Variants in DOP1B observed in about 807,000 individuals in gnomAD.
DOP1B encodes the protein DOP1 leucine zipper like protein B.
In DOP1B, 174 loss-of-function variants were observed where a neutral mutation model predicts 233.5. That is an observed-to-expected ratio of 0.75 (90% CI 0.66 to 0.85). DOP1B has a LOEUF of 0.85. DOP1B is among the 40% of genes least tolerant of loss of function. The pLI, the probability that DOP1B is intolerant of heterozygous loss-of-function variation, is 0.00. For missense variants in DOP1B, 2,652 were observed against 2,846.6 expected (o/e 0.93, Z 1.56); for synonymous variants, 1,190 against 1,185.6 (o/e 1.00, Z -0.08).
At chr21:36,291,971 T>C in intron 35 of DOP1B, 133 bp from the exon 36 acceptor site, 1 of 1,073,814 alleles carries the variant, frequency 9.3e-7, no homozygotes, top group Non-Finnish European at 1.3e-6. Flanking sequence ...TGCAACTCTA[T>C]GAATATAATA....
In DOP1B at chr21:36,245,886, C is replaced by T; in HGVS notation, c.3906C>T (p.Val1302=). The T allele has an allele frequency of 6.2e-7, 1 of 1,613,778 alleles. No homozygotes were observed. Among genetic ancestry groups the T allele is most frequent in the Non-Finnish European group, 8.5e-7 (1 of 1,180,012 alleles). ...TCTACGGAAAGCTCCAGACCCAGGT[C>T]CCCAACGTGTGCCCCCACTCTCTGC... ...QSFYGKLQTQ[V]PNVCPHSLLL... The change falls in exon 19 of 37, where the codon GTC becomes GTT. Residue 1302 remains valine (V), a synonymous_variant. Coordinates refer to ENST00000691173, the MANE Select transcript of DOP1B (RefSeq NM_001320714.2). The surrounding 1 kb of genome is among the most constrained non-coding windows in gnomAD (Gnocchi z 5.5).
chr21:36,285,878 G>A (rs1368625277), intron 32 of DOP1B, among the ~76,000 whole-genome samples: 1 of 151,968 alleles, frequency 6.6e-6, no homozygotes, highest in Non-Finnish European at 1.5e-5. Flanking sequence ...CATGGTTTCA[G>A]GCGCCTATAA....
Position 36,227,852 on chromosome 21 carries a change from A to C in DOP1B, c.1640A>C (p.Asp547Ala), listed in dbSNP as rs915713281. The change falls in exon 13 of 37, where the codon GAC becomes GCC. Residue 547 changes from aspartate to alanine, a missense_variant. Around this residue, in one of 3 missense-constraint regions of DOP1B, gnomAD observed 2,617 missense variants for 2,794.3 expected, o/e 0.94. Transcript: ENST00000691173. The part of the protein sequence containing the change: ...SKVQMPPSYL[D>A]TESTSGTSSP... ...GTCCAGATGCCTCCTTCCTACCTCG[A>C]CACGGAGTCCACCAGCGGAACCTCG... 1.9e-6 allele frequency: 3 copies of C among 1,604,774 alleles called. No individual in the cohort carries two copies. The highest frequency in any genetic ancestry group is 2.6e-6 in the Non-Finnish European group (3 of 1,173,370).
chr21:36,255,522 A>G lies in DOP1B; in HGVS notation c.5259+1613A>G, dbSNP rs138198874. Among the ~76,000 whole-genome samples the G allele has an allele frequency of 3.4e-3, 513 of 151,876 alleles. 3 individuals carry two copies. Among genetic ancestry groups the G allele is most frequent in the African/African-American group, 0.011 (473 of 41,370 alleles). On this transcript the variant is annotated intron_variant, in intron 23 of 36. Transcript: ENST00000691173. ...TGCAGTGGCACAATCACAGCTCACC[A>G]TAGCCTCGACCTCCCCAGGCTCAAA...
chr21:36,163,342 C>T (rs1161341579), intron 1 of DOP1B, among the ~76,000 whole-genome samples: 1 of 30,634 alleles, frequency 3.3e-5, no homozygotes, highest in East Asian at 1.3e-3. Flanking sequence ...GAGACTCTGT[C>T]TCAAAAAAAA....
Position 36,245,648 on chromosome 21 carries a change from C to T in DOP1B, c.3668C>T (p.Ala1223Val). The change falls in exon 19 of 37, where the codon GCC (alanine) becomes GTC (valine). Residue 1223 changes from alanine to valine, a missense_variant. Physicochemically the swap from Ala to Val is moderately conservative, Grantham distance 64. Coordinates refer to ENST00000691173, the MANE Select transcript of DOP1B (RefSeq NM_001320714.2). This position sits in a 1 kb window ranked among gnomAD's most constrained non-coding sequence, Gnocchi z 5.5. The part of the protein sequence containing the change: ...QQRERQEAVE[A>V]LFKHILLYLQ... Reference sequence around the variant, plus strand: ...CGGGAAAGGCAGGAGGCCGTCGAGGCCTTGTTCAAGCACATCCTGCTCTAC... The same window carrying T: ...CGGGAAAGGCAGGAGGCCGTCGAGGTCTTGTTCAAGCACATCCTGCTCTAC... 18 of 1,613,532 alleles carry T rather than the reference C, an allele frequency of 1.1e-5. No individual in the cohort carries two copies. The highest frequency in any genetic ancestry group is 1.5e-5 in the Non-Finnish European group (18 of 1,179,986).
chr21:36,264,960 A>G (rs751387783), intron 26 of DOP1B, among the ~76,000 whole-genome samples: 16 of 152,220 alleles, frequency 1.1e-4, no homozygotes, highest in Non-Finnish European at 1.9e-4. Context: ...GCAAACCATT[A>G]TAGACATTGA....
At chr21:36,180,940 C>T (rs554287813) in intron 2 of DOP1B, among the ~76,000 whole-genome samples, 272 of 151,774 alleles carry the variant, frequency 1.8e-3, no homozygotes, top group Non-Finnish European at 2.9e-3. Context: ...TAAATAAGAC[C>T]TTCCTGTTCC....
At chr21:36,227,990 C>T in intron 13 of DOP1B, 113 bp downstream of exon 13, 2 of 1,080,876 alleles carry the variant, frequency 1.9e-6, no homozygotes, top group Non-Finnish European at 2.5e-6. Context: ...GAGAAGATAC[C>T]CAGGTGATAT....
intron 2 of DOP1B, among the ~76,000 whole-genome samples, chr21:36,165,409 C>T (rs567014618): frequency 3.3e-5 from 5 of 151,838 alleles, no homozygotes; most frequent in African/African-American, 4.8e-5. Flanking sequence ...TGTGTGTGTG[C>T]ATGTGTGTGC....
intron 18 of DOP1B, among the ~76,000 whole-genome samples, chr21:36,242,151 C>CATTATTATTATTATT (rs78154894): frequency 0.023 from 3,304 of 143,820 alleles, 57 homozygotes; most frequent in African/African-American, 0.033. Flanking sequence ...GTTCCTTGGG[C>CATTATTATTATTATT]ATTATTATTA....
chr21:36,260,898 T>C (rs2067162138), intron 24 of DOP1B, 166 bp downstream of exon 24: 2 of 1,440,890 alleles, frequency 1.4e-6, no homozygotes, highest in Non-Finnish European at 9.1e-7. Flanking sequence ...TCTATGCTTT[T>C]CCTTCTCCAG....
intron 7 of DOP1B, among the ~76,000 whole-genome samples, chr21:36,213,425 C>T (rs956818882): frequency 6.6e-6 from 1 of 151,944 alleles, no homozygotes; most frequent in Admixed American, 6.6e-5. Context: ...TCCAGGGCTC[C>T]AGCTGATGGG....
intron 23 of DOP1B, among the ~76,000 whole-genome samples, chr21:36,258,623 G>A (rs1306211877): frequency 2.0e-5 from 3 of 152,156 alleles, no homozygotes; most frequent in Non-Finnish European, 4.4e-5. Flanking sequence ...GGGCCTGGCC[G>A]TTGGGCGTCA....
chr21:36,232,381 G>T (rs1388319018), intron 14 of DOP1B, among the ~76,000 whole-genome samples: 1 of 152,186 alleles, frequency 6.6e-6, no homozygotes, highest in Non-Finnish European at 1.5e-5. Context: ...CAAGATCAAG[G>T]TGTCAGCAGA....
At chr21:36,216,330 G>A (rs113520298) in intron 9 of DOP1B, among the ~76,000 whole-genome samples, 10 of 137,644 alleles carry the variant, frequency 7.3e-5, no homozygotes, top group African/African-American at 2.5e-4. Flanking sequence ...GAAATTTGCG[G>A]CCAGGTGTGG....
chr21:36,260,029 C>T (rs1359033673), intron 23 of DOP1B, among the ~76,000 whole-genome samples: 5 of 151,404 alleles, frequency 3.3e-5, no homozygotes, highest in African/African-American at 7.3e-5. Flanking sequence ...ATTTTTTGGC[C>T]GGGTGCGGTG....
intron 30 of DOP1B, 28 bp from the exon 31 acceptor site, chr21:36,280,257 A>T: frequency 6.6e-7 from 1 of 1,513,574 alleles, no homozygotes; most frequent in Non-Finnish European, 9.1e-7. Context: ...CTGCAAATTT[A>T]ATTGATTTTG....
intron 15 of DOP1B, among the ~76,000 whole-genome samples, chr21:36,235,053 T>A (rs2066810283): frequency 6.6e-6 from 1 of 152,204 alleles, no homozygotes; most frequent in Admixed American, 6.5e-5. Flanking sequence ...GTAGTCACCC[T>A]ACTGTGCAGT....
Sources: allele counts gnomAD v4.1 joint callset (sites outside exome capture counted in the v4.1 genomes callset), GRCh38; gene constraint gnomAD v4.1.1; regional missense constraint gnomAD v4.1.1; non-coding constraint Gnocchi (gnomAD v3.1); transcripts MANE v1.5; gene names NCBI Gene and HGNC (gene_info 2026-07-23, HGNC 2026-07-21).